SDK1: variants seen among roughly 807,000 people sequenced by gnomAD.
SDK1 encodes protein sidekick-1.
SDK1 carries 157 observed loss-of-function variants against 245.5 expected under a neutral mutation model. The observed-to-expected ratio is 0.64, with a 90% CI of 0.56 to 0.73. SDK1 has a LOEUF of 0.73. Ranked by LOEUF, SDK1 falls within the 30% of genes least tolerant of loss-of-function variation. The probability of loss-of-function intolerance (pLI) is 0.00; values close to 1 mark genes in which losing one functional copy is unlikely to be tolerated. For synonymous variants in SDK1, 1,647 were observed against 1,278.5 expected (o/e 1.29, Z -6.15); for missense variants, 3,583 against 3,002.3 (o/e 1.19, Z -4.52).
intron 1 of SDK1, among the ~76,000 whole-genome samples, chr7:3,519,290 C>A (rs1782851736): frequency 6.6e-6 from 1 of 151,966 alleles, no homozygotes; most frequent in African/African-American, 2.4e-5. Flanking sequence ...ATTGACTGTT[C>A]CCAACACAAA....
rs76087886 is a variant in SDK1 at position 3,443,404 on chromosome 7, C to G, written c.298+141520C>G. On this transcript the variant is annotated intron_variant, in intron 1 of 44. Transcript: ENST00000404826. ...ATTTGGAATAGTTGAAGACTAGAAT[C>G]CAAATTCAAGAGTAATTAACCAAAA... Among the ~76,000 whole-genome samples the G allele has an allele frequency of 6.6e-3, 1,007 of 152,252 alleles. 12 individuals are homozygous for G. Among genetic ancestry groups the G allele is most frequent in the African/African-American group, 0.022 (922 of 41,546 alleles).
At chr7:3,473,194 T>C (rs1363519625) in intron 1 of SDK1, among the ~76,000 whole-genome samples, 1 of 152,174 alleles carries the variant, frequency 6.6e-6, no homozygotes, top group East Asian at 1.9e-4. Flanking sequence ...TGAACTAATT[T>C]ACAAGAGTAA....
rs540726458 is a variant in SDK1 at position 3,670,027 on chromosome 7, A to G, written c.713+27922A>G. ...GTCAATCACCAGTTTCTCTTATTGT[A>G]CCACATGTTATCCCACAAATCTACT... On this transcript the variant is annotated intron_variant, in intron 4 of 44. Coordinates refer to ENST00000404826, the MANE Select transcript of SDK1 (RefSeq NM_152744.4). Among the ~76,000 whole-genome samples, 12 of 152,264 alleles carry G rather than the reference A, an allele frequency of 7.9e-5. No homozygotes were observed. In the South Asian group the frequency reaches 2.5e-3, roughly 32 times the overall value.
chr7:3,661,076 A>C (rs1325439399), intron 4 of SDK1, among the ~76,000 whole-genome samples: 1 of 152,156 alleles, frequency 6.6e-6, no homozygotes, highest in Non-Finnish European at 1.5e-5. Context: ...CACTCTCTAA[A>C]ATCATTGAGA....
chr7:4,265,725 A>C lies in SDK1; in HGVS notation c.*341A>C. 2.8e-6 allele frequency: 3 copies of C among 1,079,940 alleles called. No homozygotes were observed. The highest frequency in any genetic ancestry group is 3.4e-6 in the Non-Finnish European group (3 of 894,542). 66.9% of individuals were successfully genotyped at this position (1,079,940 alleles called of 1,614,324 possible). A position where few individuals can be genotyped will look rare whatever the true frequency, so the allele number is the denominator to read the frequency against. ...TCTCCGTCTTCAAGACCAACTAGGAAGGGTCAAGCGGGGAGAGGGAGTGGA... is the reference window on the plus strand; with the variant it reads ...TCTCCGTCTTCAAGACCAACTAGGACGGGTCAAGCGGGGAGAGGGAGTGGA... On this transcript the variant is annotated 3_prime_UTR_variant, in exon 45 of 45. Transcript: ENST00000404826.
At chr7:4,165,927 C>T (rs530945270) in intron 32 of SDK1, among the ~76,000 whole-genome samples, 82 of 152,290 alleles carry the variant, frequency 5.4e-4, no homozygotes, top group African/African-American at 1.9e-3. Context: ...TCTAGGACTA[C>T]AGGTGTGCAC....
At chr7:3,589,888 T>C (rs1337207379) in intron 1 of SDK1, among the ~76,000 whole-genome samples, 9 of 152,190 alleles carry the variant, frequency 5.9e-5, no homozygotes, top group Non-Finnish European at 1.0e-4. Context: ...CTGTGAGGAA[T>C]AAGCCAAGTA....
At chr7:3,442,737 G>A (rs1780231027) in intron 1 of SDK1, among the ~76,000 whole-genome samples, 2 of 152,132 alleles carry the variant, frequency 1.3e-5, no homozygotes, top group Non-Finnish European at 2.9e-5. Context: ...TTTGTTTTTA[G>A]CATATTTTCT....
chr7:4,196,238 G>A (rs374492404), intron 35 of SDK1, among the ~76,000 whole-genome samples: 15 of 152,102 alleles, frequency 9.9e-5, no homozygotes, highest in African/African-American at 2.9e-4. Context: ...CAACAGGTCC[G>A]CCTCTGTCAC....
chr7:3,564,942 T>G (rs560672875), intron 1 of SDK1, among the ~76,000 whole-genome samples: 3 of 152,056 alleles, frequency 2.0e-5, no homozygotes, highest in South Asian at 2.1e-4. Context: ...AGTCACTGTT[T>G]AGGAGACAAA....
intron 30 of SDK1, among the ~76,000 whole-genome samples, chr7:4,157,474 G>GAGAGAAGGAAGGAGAGAAGGAAGGAAGGA (rs770221031): frequency 2.5e-5 from 1 of 40,480 alleles, no homozygotes; most frequent in African/African-American, 6.8e-5. Flanking sequence ...GAGAAGGAAG[G>GAGAGAAGGAAGGAGAGAAGGAAGGAAGGA]AGGGAAGGAA....
At chr7:4,251,169 A>G (rs1176370381) in intron 44 of SDK1, among the ~76,000 whole-genome samples, 2 of 152,248 alleles carry the variant, frequency 1.3e-5, no homozygotes, top group East Asian at 3.8e-4. Flanking sequence ...TGGATATACC[A>G]CATTTAAAAA....
chr7:4,112,999 C>T (rs901882860), intron 23 of SDK1, among the ~76,000 whole-genome samples: 6 of 152,252 alleles, frequency 3.9e-5, no homozygotes, highest in South Asian at 4.1e-4. Flanking sequence ...GGTGATCCCC[C>T]GCTGCCTCCT....
intron 1 of SDK1, among the ~76,000 whole-genome samples, chr7:3,556,387 G>A (rs557425955): frequency 6.6e-6 from 1 of 152,228 alleles, no homozygotes; most frequent in Middle Eastern, 3.4e-3. Context: ...AGGGTAGAAT[G>A]GTTCCCTGAG....
chr7:3,887,043 C>G (rs1475148610), intron 5 of SDK1, among the ~76,000 whole-genome samples: 1 of 152,184 alleles, frequency 6.6e-6, no homozygotes, highest in Non-Finnish European at 1.5e-5. Flanking sequence ...TTAATTCAGA[C>G]TTGGAGTAAT....
chr7:3,540,210 C>T (rs894645083), intron 1 of SDK1, among the ~76,000 whole-genome samples: 1 of 152,150 alleles, frequency 6.6e-6, no homozygotes, highest in African/African-American at 2.4e-5. Context: ...AGTTCAAGAC[C>T]AGCCTGGCCA....
At chr7:3,662,403 C>G (rs1783394289) in intron 4 of SDK1, among the ~76,000 whole-genome samples, 1 of 152,110 alleles carries the variant, frequency 6.6e-6, no homozygotes, top group Admixed American at 6.5e-5. Context: ...TGCCTAGTCC[C>G]CTGTCCTTGC....
At chr7:4,001,134 G>T (rs576906052) in intron 14 of SDK1, among the ~76,000 whole-genome samples, 2 of 152,160 alleles carry the variant, frequency 1.3e-5, no homozygotes, top group Non-Finnish European at 2.9e-5. Flanking sequence ...TGTGGTGACC[G>T]CACGGTGCGG....
intron 34 of SDK1, among the ~76,000 whole-genome samples, chr7:4,176,255 T>C (rs1012711203): frequency 1.3e-5 from 2 of 152,102 alleles, no homozygotes; most frequent in African/African-American, 4.8e-5. Context: ...CTTGAACTCC[T>C]GGCTCAAGTG....
Sources: gnomAD v4.1 joint callset for allele counts (sites outside exome capture counted in the v4.1 genomes callset) on GRCh38, gnomAD v4.1.1 for gene constraint, MANE v1.5 for transcripts, NCBI Gene and HGNC (gene_info 2026-07-23, HGNC 2026-07-21) for gene names.